Variants in ADSL observed in about 807,000 individuals in gnomAD.
ADSL encodes adenylosuccinase.
ADSL carries 44 observed loss-of-function variants against 62.1 expected under a neutral mutation model. The observed-to-expected ratio is 0.71, with a 90% CI of 0.56 to 0.91. The LOEUF (loss-of-function observed/expected upper bound fraction) is 0.91. ADSL is among the 40% of genes least tolerant of loss of function. The pLI is 0.00. For synonymous variants in ADSL, 198 were observed against 220.5 expected, an observed-to-expected ratio of 0.90 and a Z score of 0.90; for missense variants, 531 against 627.4, an observed-to-expected ratio of 0.85 and a Z score of 1.64.
intron 4 of ADSL, among the ~76,000 whole-genome samples, chr22:40,358,302 CG>C (rs1190050072): frequency 6.6e-6 from 1 of 152,050 alleles, no homozygotes; most frequent in Non-Finnish European, 1.5e-5. Context: ...TGTCTCTTGC[CG>C]TGCATCACAG....
chr22:40,366,511 T>TAA lies in ADSL; in HGVS notation c.1444_1445insAA (p.Leu482Ter), dbSNP rs1189712731. 1 of 1,609,616 alleles carries TAA rather than the reference T, an allele frequency of 6.2e-7. No homozygotes were observed. ...YESVMKVKAE[L>*]CL ...AAGCGTGATGAAGGTGAAAGCAGAA[T>TAA]TATGTCTGTAGAGTTGGAAGAGAAT... Residue 482 changes from leucine (L) to a stop codon, truncating the protein, a stop_gained and frameshift_variant, in exon 13 of 13, where the codon TTA (leucine) becomes TAATA (stop). Coordinates refer to ENST00000623063, the MANE Select transcript of ADSL (RefSeq NM_000026.4). LOFTEE classifies it high-confidence loss of function.
At chr22:40,346,830 T>C in intron 1 of ADSL, 119 bp downstream of exon 1, 1 of 1,110,722 alleles carries the variant, frequency 9.0e-7, no homozygotes, top group Non-Finnish European at 1.3e-6. Flanking sequence ...TATTTTCAGC[T>C]GGGTGTTCCC....
intron 7 of ADSL, chr22:40,361,029 G>A (rs1243730415): frequency 5.3e-6 from 3 of 569,272 alleles, no homozygotes; most frequent in Non-Finnish European, 9.5e-6. Context: ...TTCTTTCCAT[G>A]ATGCCTTAAG....
At chr22:40,375,111 CTG>C (rs2046332513) in intron 2 of ADSL, among the ~76,000 whole-genome samples, 1 of 152,194 alleles carries the variant, frequency 6.6e-6, no homozygotes, top group African/African-American at 2.4e-5. Context: ...TAACTATTAA[CTG>C]TCTCTTCTAA....
chr22:40,381,829 A>G (rs1310517609), intron 2 of ADSL, among the ~76,000 whole-genome samples: 1 of 152,182 alleles, frequency 6.6e-6, no homozygotes, highest in Non-Finnish European at 1.5e-5. Flanking sequence ...GCATGGTGGT[A>G]TATGCCTTAG....
intron 3 of ADSL, 86 bp downstream of exon 3, chr22:40,353,203 T>A: frequency 1.8e-6 from 2 of 1,081,864 alleles, no homozygotes; most frequent in Non-Finnish European, 2.9e-6. Context: ...CAACACAGTG[T>A]AAATTTTTAC....
At chr22:40,371,979 C>T (rs1223382342), downstream of ADSL, among the ~76,000 whole-genome samples, 1 of 152,112 alleles carries the variant, frequency 6.6e-6, no homozygotes, top group Non-Finnish European at 1.5e-5. Context: ...GGATTACAGG[C>T]GTGAGCCACT....
At chr22:40,379,428 TAGAAGTCTGAGA>T (rs1260895384) in intron 2 of ADSL, 1 of 152,298 alleles carries the variant, frequency 6.6e-6, no homozygotes, top group Non-Finnish European at 1.5e-5. Flanking sequence ...ATTTCAAGAC[TAGAAGTCTGAGA>T]TCACCTCTTC....
At chr22:40,353,000 C>G (rs1305628953) in intron 2 of ADSL, 73 bp from the exon 3 acceptor site, 4 of 1,388,750 alleles carry the variant, frequency 2.9e-6, no homozygotes, top group Non-Finnish European at 4.1e-6. Flanking sequence ...GCCTTTCTGG[C>G]CAAAAAGTGT....
chr22:40,348,508 C>A, intron 1 of ADSL: 1 of 398,662 alleles, frequency 2.5e-6, no homozygotes, highest in South Asian at 1.3e-4. Flanking sequence ...CTCAGCCTCC[C>A]AAGCTGGAAC....
chr22:40,357,163 T>C (rs1042115898), intron 4 of ADSL, among the ~76,000 whole-genome samples: 6 of 151,654 alleles, frequency 4.0e-5, no homozygotes, highest in Admixed American at 3.3e-4. Flanking sequence ...CCCAAAGTGC[T>C]GGGATTACAA....
chr22:40,378,056 G>A (rs1224532353), intron 2 of ADSL: 1 of 152,138 alleles, frequency 6.6e-6, no homozygotes, highest in African/African-American at 2.4e-5. Flanking sequence ...AGACTGTCTT[G>A]GTATGTGGAA....
intron 2 of ADSL, among the ~76,000 whole-genome samples, chr22:40,381,922 T>A (rs1408892317): frequency 6.6e-6 from 1 of 152,210 alleles, no homozygotes; most frequent in Non-Finnish European, 1.5e-5. Context: ...TTCGCGCCAC[T>A]GCACTCCAGC....
At chr22:40,349,375 C>CTTT (rs71263543) in intron 1 of ADSL, among the ~76,000 whole-genome samples, 2 of 135,934 alleles carry the variant, frequency 1.5e-5, no homozygotes, top group Non-Finnish European at 3.2e-5. Context: ...TTGGAGCTTT[C>CTTT]TTTTTTTTTT....
At chr22:40,356,549 AAAG>A (rs1465489755) in intron 4 of ADSL, among the ~76,000 whole-genome samples, 5 of 151,958 alleles carry the variant, frequency 3.3e-5, no homozygotes, top group African/African-American at 4.8e-5. Flanking sequence ...AAAAAAAAAA[AAAG>A]AAAGAAATTA....
intron 2 of ADSL, among the ~76,000 whole-genome samples, chr22:40,377,178 A>G (rs1009313073): frequency 1.3e-5 from 2 of 152,234 alleles, no homozygotes; most frequent in East Asian, 3.8e-4. Flanking sequence ...TTTGCTTTGG[A>G]GAACAGTTCA....
chr22:40,356,594 C>T lies in ADSL; in HGVS notation c.482+2267C>T, dbSNP rs371329405. ...TCATAGTGACTTATGGCTGTAATCT[C>T]GGCACTTTGCGGGGCCAAGGCAGGA... On this transcript the variant is annotated intron_variant, in intron 4 of 12. Transcript: ENST00000623063. Among the ~76,000 whole-genome samples the T allele has an allele frequency of 1.3e-3, 191 of 151,522 alleles. 1 individual carries two copies. Among genetic ancestry groups the T allele is most frequent in the African/African-American group, 3.0e-3 (125 of 41,292 alleles).
rs1601588058 is a variant in ADSL, at chr22:40,361,052, A to G, written c.793-221A>G. On this transcript the variant is annotated intron_variant, in intron 7 of 12. Coordinates refer to ENST00000623063, the MANE Select transcript of ADSL (RefSeq NM_000026.4). Reference sequence around the variant, plus strand: ...ATGATGCCTTAAGCAGTGTTTCACAAAAGCGTTTTCATGCTCCTTGAATTT... The same window carrying G: ...ATGATGCCTTAAGCAGTGTTTCACAGAAGCGTTTTCATGCTCCTTGAATTT... 21 of 627,686 alleles carry G rather than the reference A, an allele frequency of 3.3e-5. No homozygotes were observed. The Admixed American group carries it at 4.3e-4, about 13-fold the overall frequency. 38.9% of individuals were successfully genotyped at this position (627,686 alleles called of 1,614,324 possible). A position where few individuals can be genotyped will look rare whatever the true frequency, so the allele number is the denominator to read the frequency against.
chr22:40,360,142 G>T (rs2044725076), intron 6 of ADSL, among the ~76,000 whole-genome samples: 1 of 152,168 alleles, frequency 6.6e-6, no homozygotes, highest in East Asian at 1.9e-4. Flanking sequence ...TTACCACTCA[G>T]GTCCACTGGT....
Sources: allele counts gnomAD v4.1 joint callset (sites outside exome capture counted in the v4.1 genomes callset), GRCh38; gene constraint gnomAD v4.1.1; transcripts MANE v1.5; gene names NCBI Gene and HGNC (gene_info 2026-07-23, HGNC 2026-07-21).